Variants in UBAP2L observed in about 807,000 individuals in gnomAD.
The protein encoded by UBAP2L is ubiquitin-associated protein 2-like.
A neutral mutation model predicts 130.6 loss-of-function variants in UBAP2L; 12 were observed. That is an observed-to-expected ratio of 0.09 (90% CI 0.06 to 0.15). The LOEUF (loss-of-function observed/expected upper bound fraction) is 0.15, where lower values mean the gene tolerates loss of function less well. UBAP2L is among the 10% of genes least tolerant of loss of function. The pLI is 1.00. For missense variants in UBAP2L, 965 were observed against 1,332.5 expected (o/e 0.72, Z 4.29); for synonymous variants, 503 against 524.7 (o/e 0.96, Z 0.57).
chr1:154,263,437 G>T, intron 24 of UBAP2L: 1 of 1,215,446 alleles, frequency 8.2e-7, no homozygotes, highest in Non-Finnish European at 1.0e-6. Context: ...TTTCTGGAAG[G>T]CATGTAGTTT....
intron 12 of UBAP2L, among the ~76,000 whole-genome samples, chr1:154,250,481 C>G (rs563980672): frequency 6.6e-6 from 1 of 152,060 alleles, no homozygotes; most frequent in Non-Finnish European, 1.5e-5. Flanking sequence ...TGAGAACTTG[C>G]GGTACTTTAA....
chr1:154,270,139 C>A (rs1398122407), intron 26 of UBAP2L, 61 bp from the exon 27 acceptor site: 1 of 1,512,836 alleles, frequency 6.6e-7, no homozygotes, highest in Non-Finnish European at 8.9e-7. Flanking sequence ...GAAGATGTTA[C>A]AAATTTGTAC....
At chr1:154,263,950 G>C (rs915006528) in intron 24 of UBAP2L, among the ~76,000 whole-genome samples, 23 of 152,330 alleles carry the variant, frequency 1.5e-4, no homozygotes, top group African/African-American at 5.3e-4. Flanking sequence ...TTAGTGATAA[G>C]CTAGTTGATG....
chr1:154,263,201 A>C, intron 24 of UBAP2L: 3 of 1,549,278 alleles, frequency 1.9e-6, no homozygotes, highest in Non-Finnish European at 2.6e-6. Flanking sequence ...ATAAATTTGC[A>C]CTGAAGTCTT....
At chr1:154,256,760 C>T (rs1160732047) in intron 18 of UBAP2L, among the ~76,000 whole-genome samples, 2 of 152,172 alleles carry the variant, frequency 1.3e-5, no homozygotes, top group East Asian at 3.8e-4. Context: ...CTCTCTGTTC[C>T]TTTATCAGCC....
chr1:154,257,751 G>GT, intron 20 of UBAP2L: 1 of 349,358 alleles, frequency 2.9e-6, no homozygotes, highest in African/African-American at 2.1e-5. Context: ...AATCTTTGCA[G>GT]TTTTGGAAAA....
chr1:154,253,499 C>T (rs1678563351), intron 14 of UBAP2L, among the ~76,000 whole-genome samples: 1 of 151,350 alleles, frequency 6.6e-6, no homozygotes, highest in South Asian at 2.1e-4. Context: ...AGTCTCCTGC[C>T]TACTCCCAAG....
At chr1:154,241,792 A>G in intron 9 of UBAP2L, 3 of 985,192 alleles carry the variant, frequency 3.0e-6, no homozygotes, top group Non-Finnish European at 3.6e-6. Context: ...GGGCAAGTGC[A>G]CTTGTGTAAG....
In UBAP2L at chr1:154,270,770, G is replaced by GTTTTTTTTTT. The variant is rs370017648; in HGVS notation, c.*482_*491dup. ...AATTAGTTGAAGTGGTTTTTTTTTT[G>GTTTTTTTTTT]TTTTTTTTTTTTTTTTGTACTGTGT... On this transcript the variant is annotated 3_prime_UTR_variant, in exon 27 of 27. Transcript: ENST00000428931. 90 of 922,934 alleles carry GTTTTTTTTTT rather than the reference G, an allele frequency of 9.8e-5. 8 individuals carry two copies. In the East Asian group the frequency reaches 1.1e-3, roughly 11 times the overall value. 57.2% of individuals were successfully genotyped at this position (922,934 alleles called of 1,614,324 possible).
chr1:154,225,151 G>T lies in UBAP2L; in HGVS notation c.28G>T (p.Ala10Ser), dbSNP rs1295759865. The T allele has an allele frequency of 1.2e-6, 2 of 1,613,822 alleles. No homozygotes were observed. The highest frequency in any genetic ancestry group is 2.2e-5 in the East Asian group (1 of 44,888). Residue 10 changes from alanine (A) to serine (S), a missense_variant, in exon 2 of 27, where the codon GCC (alanine) becomes TCC (serine). Physicochemically the swap from Ala to Ser is moderately conservative, Grantham distance 99. Around this residue, in one of 9 missense-constraint regions of UBAP2L, gnomAD observed 24 missense variants for 27.7 expected, o/e 0.87. Coordinates refer to ENST00000428931, the MANE Select transcript of UBAP2L (RefSeq NM_014847.4). ...GATGACATCGGTGGGCACTAACCGA[G>T]CCCGGGGAAACTGGGAACAACCTCA... is the stretch of plus-strand genomic sequence containing the variant. Reference protein sequence around the residue: MMTSVGTNRARGNWEQPQNQ... With the variant: MMTSVGTNRSRGNWEQPQNQ...
Position 154,270,651 on chromosome 1 carries a change from C to T in UBAP2L, c.*356C>T. The T allele has an allele frequency of 7.1e-7, 1 of 1,411,734 alleles. No homozygotes were observed. The highest frequency in any genetic ancestry group is 1.6e-5 in the South Asian group (1 of 61,614). The allele number at this position is 1,411,734 out of a possible 1,614,324, so 87.5% of individuals were successfully genotyped here. On this transcript the variant is annotated 3_prime_UTR_variant, in exon 27 of 27. Transcript: ENST00000428931. ...TGGGACCCCCAAACATATATCAGCCCAACAGCCCTAAGTCTCCTTCTTTAT... is the reference window on the plus strand; with the variant it reads ...TGGGACCCCCAAACATATATCAGCCTAACAGCCCTAAGTCTCCTTCTTTAT...
At chr1:154,263,179 T>C in intron 24 of UBAP2L, 1 of 1,551,508 alleles carries the variant, frequency 6.4e-7, no homozygotes, top group Non-Finnish European at 8.7e-7. Flanking sequence ...GGGCTGTGTT[T>C]TGTGTGTGTG....
chr1:154,254,155 A>G, intron 15 of UBAP2L, 66 bp downstream of exon 15: 1 of 1,378,972 alleles, frequency 7.3e-7, no homozygotes, highest in Non-Finnish European at 9.6e-7. Context: ...CTTAAATATT[A>G]GTGTTTTACT....
In UBAP2L at chr1:154,268,759, G is replaced by A. The variant is rs758660612; in HGVS notation, c.2973G>A (p.Gln991=). Residue 991 remains glutamine, a splice_region_variant and synonymous_variant, in exon 26 of 27, where the codon CAG becomes CAA. Transcript: ENST00000428931. ...ISGSVYSKTQ[Q]SFEKQGFHSG... ...TCTCCTCCTGGCCTCCTGGATAGCA[G>A]TCCTTTGAGAAACAAGGTTTTCATT... 3.7e-6 allele frequency: 6 copies of A among 1,613,938 alleles called. No homozygotes were observed. Among genetic ancestry groups the A allele is most frequent in the Non-Finnish European group, 5.1e-6 (6 of 1,179,996 alleles).
chr1:154,230,919 A>G (rs1044635339), intron 4 of UBAP2L, among the ~76,000 whole-genome samples: 3 of 152,234 alleles, frequency 2.0e-5, no homozygotes, highest in Admixed American at 6.5e-5. Flanking sequence ...GAAAGGTTAC[A>G]GTTTCCTGAA....
chr1:154,250,847 CAAAAA>C (rs1023678670), intron 12 of UBAP2L, among the ~76,000 whole-genome samples, 189 bp from the exon 13 acceptor site: 13 of 48,972 alleles, frequency 2.7e-4, no homozygotes, highest in African/African-American at 8.4e-4. Context: ...ACTCCCATCT[CAAAAA>C]AAAAAAAAAA....
intron 11 of UBAP2L, among the ~76,000 whole-genome samples, chr1:154,247,123 T>C (rs1443902359): frequency 6.6e-6 from 1 of 152,190 alleles, no homozygotes; most frequent in African/African-American, 2.4e-5. Flanking sequence ...CTCTCCTATT[T>C]TTTGATGGAG....
At position 154,257,524 on chromosome 1, in the gene UBAP2L, A is replaced by G. The variant is rs996283934; in HGVS notation, c.2442+90A>G. ...TGGCTTCAGATGGACCCCTGTGAATACCAAAACTTGCACATACTCAAGCCC... is the reference window on the plus strand; with the variant it reads ...TGGCTTCAGATGGACCCCTGTGAATGCCAAAACTTGCACATACTCAAGCCC... On this transcript the variant is annotated intron_variant, in intron 20 of 26. Coordinates refer to ENST00000428931, the MANE Select transcript of UBAP2L (RefSeq NM_014847.4). 13 of 1,407,342 alleles carry G rather than the reference A, an allele frequency of 9.2e-6. No individual in the cohort carries two copies. The African/African-American group carries it at 1.3e-4, about 14-fold the overall frequency. 87.2% of individuals were successfully genotyped at this position (1,407,342 alleles called of 1,614,324 possible). A position where few individuals can be genotyped will look rare whatever the true frequency, so the allele number is the denominator to read the frequency against.
intron 16 of UBAP2L, 42 bp from the exon 17 acceptor site, chr1:154,255,110 C>A: frequency 6.2e-7 from 1 of 1,605,426 alleles, no homozygotes. Flanking sequence ...TAGACATTCC[C>A]TTTTTTCTGA....
Sources: allele counts gnomAD v4.1 joint callset (sites outside exome capture counted in the v4.1 genomes callset), GRCh38; gene constraint gnomAD v4.1.1; regional missense constraint gnomAD v4.1.1; transcripts MANE v1.5; gene names NCBI Gene and HGNC (gene_info 2026-07-23, HGNC 2026-07-21).